NTM: variants seen among roughly 807,000 people sequenced by gnomAD.
NTM encodes the protein neurotrimin.
NTM carries 13 observed loss-of-function variants against 42.1 expected under a neutral mutation model. The observed-to-expected ratio is 0.31, with a 90% CI of 0.20 to 0.49. NTM has a LOEUF of 0.49. Among genes scored for constraint, NTM ranks in the 20% least tolerant of loss-of-function variants. The probability of loss-of-function intolerance (pLI) is 0.99; values close to 1 mark genes in which losing one functional copy is unlikely to be tolerated. For synonymous variants in NTM, 187 were observed against 179.2 expected (o/e 1.04, Z -0.35); for missense variants, 373 against 452.8 (o/e 0.82, Z 1.60).
intron 1 of NTM, among the ~76,000 whole-genome samples, chr11:131,441,961 A>C (rs1949657920): frequency 6.6e-6 from 1 of 152,244 alleles, no homozygotes. Context: ...AGATGGGTAC[A>C]TCAACAAGAG....
At chr11:131,463,038 A>C (rs1280155895) in intron 1 of NTM, among the ~76,000 whole-genome samples, 8 of 152,084 alleles carry the variant, frequency 5.3e-5, no homozygotes, top group Non-Finnish European at 8.8e-5. Flanking sequence ...CATGCAGTGC[A>C]GCAATTGCCG....
At chr11:131,902,259 A>G (rs919231825) in intron 1 of NTM, among the ~76,000 whole-genome samples, 2 of 152,356 alleles carry the variant, frequency 1.3e-5, no homozygotes, top group South Asian at 4.1e-4. Context: ...AAATACAAAG[A>G]AACTTGACTT....
At chr11:131,684,666 A>T (rs1592541861) in intron 1 of NTM, among the ~76,000 whole-genome samples, 2 of 152,322 alleles carry the variant, frequency 1.3e-5, no homozygotes, top group African/African-American at 4.8e-5. Context: ...CCAGCTCATC[A>T]TGCCACCTCC....
intron 3 of NTM, among the ~76,000 whole-genome samples, chr11:132,174,732 A>G (rs942521427): frequency 3.3e-5 from 5 of 151,996 alleles, no homozygotes; most frequent in Non-Finnish European, 5.9e-5. Flanking sequence ...GCTGGGCTGT[A>G]TAATTGATGG....
intron 4 of NTM, among the ~76,000 whole-genome samples, chr11:132,288,722 C>T (rs797017728): frequency 8.5e-5 from 13 of 152,194 alleles, no homozygotes; most frequent in East Asian, 3.9e-4. Flanking sequence ...CGGGTTCAAG[C>T]GATTGTCCTG....
At position 131,861,020 on chromosome 11, in the gene NTM, G is replaced by A. The variant is rs74604224; in HGVS notation, c.83-50544G>A. Among the ~76,000 whole-genome samples the A allele has an allele frequency of 6.3e-3, 960 of 152,264 alleles. 2 individuals are homozygous for A. Among genetic ancestry groups the A allele is most frequent in the Non-Finnish European group, 0.012 (786 of 68,026 alleles). On this transcript the variant is annotated intron_variant, in intron 1 of 8. Transcript: ENST00000683400. ...TCGGTTGGCCTCCACTTCCCTTAGG[G>A]TGTAATCTTAGTCCCCTAGGATTTC...
chr11:131,894,701 C>G (rs1017239368), intron 1 of NTM, among the ~76,000 whole-genome samples: 1 of 152,186 alleles, frequency 6.6e-6, no homozygotes, highest in African/African-American at 2.4e-5. Context: ...CCAGCAGCAG[C>G]CCGGGCTCCT....
At chr11:131,943,585 A>G (rs1182407342) in intron 2 of NTM, among the ~76,000 whole-genome samples, 1 of 152,108 alleles carries the variant, frequency 6.6e-6, no homozygotes, top group Non-Finnish European at 1.5e-5. Context: ...ACAGGCTGTC[A>G]CTTCTACTTC....
chr11:132,220,975 C>T (rs1008989511), intron 4 of NTM, among the ~76,000 whole-genome samples: 2 of 152,124 alleles, frequency 1.3e-5, no homozygotes, highest in Non-Finnish European at 2.9e-5. Context: ...GTCCCACCGC[C>T]CATCACAACC....
chr11:131,723,500 C>G (rs1192150736), intron 1 of NTM, among the ~76,000 whole-genome samples: 1 of 152,212 alleles, frequency 6.6e-6, no homozygotes, highest in African/African-American at 2.4e-5. Context: ...AAAGGTCACT[C>G]CTTTGTCCTT....
intron 1 of NTM, among the ~76,000 whole-genome samples, chr11:131,596,415 C>T (rs969947143): frequency 6.6e-6 from 1 of 152,234 alleles, no homozygotes. Context: ...AAACAAATGG[C>T]AGTGGCTGTG....
At chr11:131,994,714 C>T (rs2067672126) in intron 2 of NTM, among the ~76,000 whole-genome samples, 1 of 152,094 alleles carries the variant, frequency 6.6e-6, no homozygotes, top group African/African-American at 2.4e-5. Flanking sequence ...GCTTTTGGGC[C>T]ACTAACTCCC....
intron 2 of NTM, among the ~76,000 whole-genome samples, chr11:131,923,965 G>A (rs368834804): frequency 2.5e-4 from 38 of 152,202 alleles, no homozygotes; most frequent in African/African-American, 8.4e-4. Flanking sequence ...TAGGGGTTCC[G>A]GGCCAGTGTG....
At chr11:131,939,143 A>G (rs1009097545) in intron 2 of NTM, among the ~76,000 whole-genome samples, 4 of 152,144 alleles carry the variant, frequency 2.6e-5, no homozygotes, top group Admixed American at 2.0e-4. Flanking sequence ...AGAGAGGAGA[A>G]TGGCGGATCG....
chr11:131,521,351 A>G (rs11222683), intron 1 of NTM, among the ~76,000 whole-genome samples: 6,944 of 132,040 alleles, frequency 0.053, 233 homozygotes, highest in Middle Eastern at 0.11. Flanking sequence ...AAATAAATAA[A>G]TAAATAAATG....
chr11:131,898,199 T>C (rs942446746), intron 1 of NTM, among the ~76,000 whole-genome samples: 1 of 152,204 alleles, frequency 6.6e-6, no homozygotes, highest in African/African-American at 2.4e-5. Context: ...CTATTTTTGT[T>C]TGATAAATAA....
intron 1 of NTM, among the ~76,000 whole-genome samples, chr11:131,632,673 C>CATTTTTTT (rs1555058399): frequency 2.4e-5 from 2 of 83,092 alleles, no homozygotes; most frequent in Admixed American, 1.8e-4. Flanking sequence ...GCTCGGGCAG[C>CATTTTTTT]TTTTTTTTTT....
intron 1 of NTM, among the ~76,000 whole-genome samples, chr11:131,488,868 A>T (rs61322272): frequency 0.064 from 9,764 of 152,282 alleles, 1,031 homozygotes; most frequent in African/African-American, 0.22. Flanking sequence ...ATGGTGATAT[A>T]ATGCTAATAC....
intron 1 of NTM, among the ~76,000 whole-genome samples, chr11:131,849,228 G>C (rs981632090): frequency 1.3e-5 from 2 of 152,108 alleles, no homozygotes; most frequent in African/African-American, 4.8e-5. Flanking sequence ...AATGTGTTTT[G>C]GGTCAAGTAG....
Sources: allele counts gnomAD v4.1 joint callset (sites outside exome capture counted in the v4.1 genomes callset), GRCh38; gene constraint gnomAD v4.1.1; transcripts MANE v1.5; gene names NCBI Gene and HGNC (gene_info 2026-07-23, HGNC 2026-07-21).